Variants in LINGO2 observed in about 807,000 individuals in gnomAD.
LINGO2 encodes the protein leucine-rich repeat and immunoglobulin-like domain-containing nogo receptor-interacting protein 2.
Under a neutral mutation model 30.6 loss-of-function variants are expected in LINGO2, and 14 were observed. The ratio of observed to expected loss-of-function variants is 0.46; its 90% CI spans 0.30 to 0.72. The LOEUF (loss-of-function observed/expected upper bound fraction) is 0.72, where lower values mean the gene tolerates loss of function less well. LINGO2 is among the 30% of genes least tolerant of loss of function. LINGO2 has a pLI of 0.07. For synonymous variants in LINGO2, 317 were observed against 288.5 expected, an observed-to-expected ratio of 1.10 and a Z score of -1.00; for missense variants, 729 against 751.7, an observed-to-expected ratio of 0.97 and a Z score of 0.35.
In LINGO2 at chr9:28,236,128, T is replaced by C. The variant is rs1042669068; in HGVS notation, c.-87+59080A>G. Among the ~76,000 whole-genome samples, 5 of 152,260 alleles carry C rather than the reference T, an allele frequency of 3.3e-5. No homozygotes were observed. In the East Asian group the frequency reaches 5.8e-4, roughly 18 times the overall value. On this transcript the variant is annotated intron_variant, in intron 4 of 5. Coordinates refer to ENST00000379992, the Ensembl canonical transcript of LINGO2. ...ACATACAATGGCACTCCAGTACATC[T>C]GGCAGCTGACGTTTCAGTGGAAACC...
intron 1 of LINGO2, among the ~76,000 whole-genome samples, chr9:28,621,102 G>A (rs1456510462): frequency 6.6e-6 from 1 of 151,824 alleles, no homozygotes; most frequent in African/African-American, 2.4e-5. Flanking sequence ...CCATTATTAG[G>A]AGTTTATTCT....
intron 3 of LINGO2, among the ~76,000 whole-genome samples, chr9:28,372,250 A>T (rs564831905): frequency 3.1e-4 from 47 of 152,366 alleles, no homozygotes; most frequent in African/African-American, 7.9e-4. Context: ...TGAGTGAGGA[A>T]AATAAAAACA....
intron 3 of LINGO2, among the ~76,000 whole-genome samples, chr9:28,334,909 A>T (rs1214174256): frequency 6.6e-6 from 1 of 152,144 alleles, no homozygotes; most frequent in South Asian, 2.1e-4. Context: ...CAAAGCAGGG[A>T]TAATGAGACT....
At chr9:29,086,615 G>GA in the LINGO2 span, among the ~76,000 whole-genome samples, 11 of 151,926 alleles carry the variant, frequency 7.2e-5, no homozygotes. Context: ...AAGAGAAGGT[G>GA]AAAAAAATTG....
chr9:28,797,359 T>TAGAGAGAGAGAGAGAGAGAGAG, the LINGO2 span, among the ~76,000 whole-genome samples: 7 of 34,214 alleles, frequency 2.0e-4, no homozygotes, highest in Non-Finnish European at 3.3e-4. Context: ...TATATATATA[T>TAGAGAGAGAGAGAGAGAGAGAG]AGAGAGAGAG....
rs570839378 is a variant in LINGO2 at position 28,306,798 on chromosome 9, C to T, written c.-245-11432G>A. 5.9e-5 allele frequency among the ~76,000 whole-genome samples: 9 copies of T among 152,296 alleles called. No homozygotes were observed. In the South Asian group the frequency reaches 1.7e-3, roughly 28 times the overall value. ...AACTACCATCAGAGAATACTACAAA[C>T]ACCTCTACGCAAATAAACTAGAAAA... On this transcript the variant is annotated intron_variant, in intron 3 of 5. Coordinates refer to ENST00000379992, the Ensembl canonical transcript of LINGO2.
chr9:28,040,430 T>G (rs1188842302), intron 4 of LINGO2, among the ~76,000 whole-genome samples: 1 of 151,304 alleles, frequency 6.6e-6, no homozygotes, highest in Non-Finnish European at 1.5e-5. Flanking sequence ...TGAAGTTTTT[T>G]TTTTTTTTTT....
At chr9:28,585,573 G>C (rs1824490295) in intron 1 of LINGO2, among the ~76,000 whole-genome samples, 1 of 151,968 alleles carries the variant, frequency 6.6e-6, no homozygotes, top group Non-Finnish European at 1.5e-5. Flanking sequence ...TGTATGGGAT[G>C]ATTTTGCCCA....
At chr9:28,390,850 G>A (rs935501074) in intron 2 of LINGO2, among the ~76,000 whole-genome samples, 7 of 152,088 alleles carry the variant, frequency 4.6e-5, no homozygotes, top group Non-Finnish European at 8.8e-5. Flanking sequence ...CCACAGTATG[G>A]GGGAAAATCC....
the LINGO2 span, among the ~76,000 whole-genome samples, chr9:28,792,716 T>C: frequency 1.3e-5 from 2 of 152,154 alleles, no homozygotes; most frequent in South Asian, 2.1e-4. Context: ...TGTTTTAGTA[T>C]CTCAAGTGTC....
intron 1 of LINGO2, among the ~76,000 whole-genome samples, chr9:28,485,392 A>C (rs1826131617): frequency 6.6e-6 from 1 of 152,114 alleles, no homozygotes; most frequent in Admixed American, 6.6e-5. Context: ...AGTTATGTAG[A>C]TATACCTACA....
At chr9:27,948,894 C>T in exon 6 of LINGO2, 1 of 1,613,598 alleles carries the variant, frequency 6.2e-7, no homozygotes, top group South Asian at 1.1e-5. Flanking sequence ...AGCTACCTCC[C>T]CTTCCACAAC....
intron 4 of LINGO2, among the ~76,000 whole-genome samples, chr9:28,196,254 G>A (rs1384481024): frequency 2.0e-5 from 3 of 151,476 alleles, no homozygotes; most frequent in African/African-American, 7.2e-5. Context: ...TATTGACCTA[G>A]TGGTACTGGA....
At chr9:28,465,009 G>T (rs752423455) in intron 2 of LINGO2, among the ~76,000 whole-genome samples, 1 of 152,174 alleles carries the variant, frequency 6.6e-6, no homozygotes, top group Non-Finnish European at 1.5e-5. Context: ...AGTAACTTTG[G>T]GCGCCGCCCC....
the LINGO2 span, among the ~76,000 whole-genome samples, chr9:29,150,101 G>A: frequency 1.3e-5 from 2 of 152,164 alleles, no homozygotes; most frequent in Non-Finnish European, 1.5e-5. Context: ...GTAGGAGCCC[G>A]TGTGCTGGCC....
intron 2 of LINGO2, among the ~76,000 whole-genome samples, chr9:28,460,549 GA>G (rs544059202): frequency 1.0e-3 from 152 of 152,198 alleles, no homozygotes; most frequent in Non-Finnish European, 1.8e-3. Context: ...TGCAATAGGG[GA>G]AAGGAAAGCA....
the LINGO2 span, among the ~76,000 whole-genome samples, chr9:29,109,512 G>A: frequency 2.0e-5 from 3 of 152,116 alleles, no homozygotes; most frequent in African/African-American, 2.4e-5. Context: ...GGAGGTTTGC[G>A]TAAGTATAAG....
chr9:28,929,498 T>C, the LINGO2 span, among the ~76,000 whole-genome samples: 1 of 152,146 alleles, frequency 6.6e-6, no homozygotes, highest in Non-Finnish European at 1.5e-5. Flanking sequence ...GAAATGACAG[T>C]TACCCAGAAA....
intron 2 of LINGO2, among the ~76,000 whole-genome samples, chr9:28,455,247 C>T (rs1824801969): frequency 6.6e-6 from 1 of 151,822 alleles, no homozygotes; most frequent in Non-Finnish European, 1.5e-5. Context: ...CATAATTTTT[C>T]CAGAACACAA....
Sources: gnomAD v4.1 joint callset for allele counts (sites outside exome capture counted in the v4.1 genomes callset) on GRCh38, gnomAD v4.1.1 for gene constraint, MANE v1.5 for transcripts, NCBI Gene and HGNC (gene_info 2026-07-23, HGNC 2026-07-21) for gene names.